The following GNAL variants were observed in gnomAD, a reference collection of about 807,000 sequenced individuals.
The protein encoded by GNAL is guanine nucleotide-binding protein G(olf) subunit alpha.
Under a neutral mutation model 55.1 loss-of-function variants are expected in GNAL, and 18 were observed. That is an observed-to-expected ratio of 0.33 (90% CI 0.23 to 0.48). The LOEUF (loss-of-function observed/expected upper bound fraction) is 0.48. Among genes scored for constraint, GNAL ranks in the 20% least tolerant of loss-of-function variants. The probability of loss-of-function intolerance (pLI) is 0.99; values close to 1 mark genes in which losing one functional copy is unlikely to be tolerated. For missense variants in GNAL, 412 were observed against 614.1 expected (o/e 0.67, Z 3.48); for synonymous variants, 253 against 237.0 (o/e 1.07, Z -0.62).
intron 11 of GNAL, among the ~76,000 whole-genome samples, chr18:11,878,362 G>A (rs1392106401): frequency 6.6e-6 from 1 of 152,122 alleles, no homozygotes; most frequent in Non-Finnish European, 1.5e-5. Flanking sequence ...GAGGTGGGAG[G>A]ATCCCTTGAG....
chr18:11,835,745 T>C (rs1419239548), intron 5 of GNAL, among the ~76,000 whole-genome samples: 2 of 152,220 alleles, frequency 1.3e-5, no homozygotes, highest in Non-Finnish European at 2.9e-5. Flanking sequence ...CACAATACTT[T>C]TGTTTGCTGA....
At chr18:11,797,074 A>AT (rs1439782704) in intron 4 of GNAL, among the ~76,000 whole-genome samples, 9 of 151,878 alleles carry the variant, frequency 5.9e-5, no homozygotes, top group African/African-American at 1.9e-4. Context: ...GACTCAAGGG[A>AT]TTATCCCACT....
chr18:11,879,462 G>T (rs967873278), intron 11 of GNAL, among the ~76,000 whole-genome samples: 3 of 152,174 alleles, frequency 2.0e-5, no homozygotes, highest in Non-Finnish European at 4.4e-5. Flanking sequence ...ATTTCTCACA[G>T]CTCTGGAGGC....
At chr18:11,825,729 C>CAAAAA (rs60460793) in intron 5 of GNAL, among the ~76,000 whole-genome samples, 2,345 of 76,874 alleles carry the variant, frequency 0.031, 163 homozygotes, top group South Asian at 0.038. Flanking sequence ...GACTCTGTCT[C>CAAAAA]AAAAAAAAAA....
intron 1 of GNAL, among the ~76,000 whole-genome samples, chr18:11,690,918 G>A (rs34912277): frequency 0.34 from 49,475 of 145,652 alleles, 11,863 homozygotes; most frequent in African/African-American, 0.69. Context: ...TGCAATAAAC[G>A]TACGTGTGCA....
At chr18:11,851,600 A>C in intron 5 of GNAL, 1 of 1,613,478 alleles carries the variant, frequency 6.2e-7, no homozygotes, top group South Asian at 1.1e-5. Context: ...AAGGAGGAAA[A>C]GGCCGAAAAG....
intron 4 of GNAL, among the ~76,000 whole-genome samples, chr18:11,772,600 C>A (rs1320692607): frequency 6.6e-6 from 1 of 152,154 alleles, no homozygotes; most frequent in African/African-American, 2.4e-5. Flanking sequence ...CCAAGACTTC[C>A]TCTACAGATG....
At chr18:11,721,263 C>G (rs113371145) in intron 1 of GNAL, among the ~76,000 whole-genome samples, 135 of 152,264 alleles carry the variant, frequency 8.9e-4, no homozygotes, top group Middle Eastern at 3.4e-3. Context: ...AAACATTGTC[C>G]GCAGAGCACT....
chr18:11,849,520 AAG>A (rs1467230550), intron 5 of GNAL, among the ~76,000 whole-genome samples: 1 of 150,990 alleles, frequency 6.6e-6, no homozygotes, highest in Non-Finnish European at 1.5e-5. Context: ...AAAAAAAAAA[AAG>A]AAAGAAAAGA....
intron 1 of GNAL, among the ~76,000 whole-genome samples, chr18:11,696,520 C>T (rs543030728): frequency 1.4e-5 from 2 of 145,528 alleles, no homozygotes; most frequent in Admixed American, 6.8e-5. Context: ...AAAAAAAAAG[C>T]ACGCATAACA....
chr18:11,861,844 C>T (rs1459644384), intron 5 of GNAL, among the ~76,000 whole-genome samples: 2 of 152,146 alleles, frequency 1.3e-5, no homozygotes, highest in Admixed American at 1.3e-4. Flanking sequence ...CACGTTCTCG[C>T]TCTCGCACAC....
Position 11,815,664 on chromosome 18 carries a change from A to T in GNAL, c.625-9254A>T, listed in dbSNP as rs185959873. 9.8e-5 allele frequency among the ~76,000 whole-genome samples: 15 copies of T among 152,350 alleles called. No individual in the cohort carries two copies. In the East Asian group the frequency reaches 2.9e-3, roughly 29 times the overall value. The stretch of plus-strand genomic sequence containing the variant: ...AAGATACAGTTCCAAACCATAGCAG[A>T]TTATATATTTTTAAATGTTTTAAAT... On this transcript the variant is annotated intron_variant, in intron 4 of 11. Transcript: ENST00000334049.
chr18:11,805,190 T>A (rs1272896331), intron 4 of GNAL, among the ~76,000 whole-genome samples: 1 of 140,184 alleles, frequency 7.1e-6, no homozygotes, highest in African/African-American at 2.8e-5. Context: ...AGTGGTGAAG[T>A]ACAGGTGCAA....
intron 1 of GNAL, among the ~76,000 whole-genome samples, chr18:11,743,760 A>T (rs1269804896): frequency 2.0e-5 from 3 of 152,222 alleles, no homozygotes; most frequent in Non-Finnish European, 4.4e-5. Flanking sequence ...ATTGAAACAG[A>T]TGGGGTTGCT....
chr18:11,713,891 G>T (rs1346670641), intron 1 of GNAL, among the ~76,000 whole-genome samples: 1 of 152,164 alleles, frequency 6.6e-6, no homozygotes, highest in East Asian at 1.9e-4. Flanking sequence ...CTGGTGATTG[G>T]GGTCTCCTGC....
chr18:11,876,518 G>T, intron 10 of GNAL, 103 bp from the exon 11 acceptor site: 1 of 762,458 alleles, frequency 1.3e-6, no homozygotes, highest in East Asian at 2.5e-5. Context: ...TTTTAATGCT[G>T]GGAATATACA....
At chr18:11,762,950 T>C (rs2033291019) in intron 4 of GNAL, among the ~76,000 whole-genome samples, 1 of 152,238 alleles carries the variant, frequency 6.6e-6, no homozygotes, top group Non-Finnish European at 1.5e-5. Context: ...ATAAGTATTG[T>C]ATTATTCTGC....
chr18:11,855,664 C>T (rs1259082505), intron 5 of GNAL, among the ~76,000 whole-genome samples: 1 of 152,128 alleles, frequency 6.6e-6, no homozygotes, highest in African/African-American at 2.4e-5. Flanking sequence ...GCCCGCCCTG[C>T]TGTCTTTGAT....
intron 6 of GNAL, 113 bp downstream of exon 6, chr18:11,862,562 T>G: frequency 1.1e-6 from 1 of 911,236 alleles, no homozygotes; most frequent in East Asian, 2.6e-5. Context: ...GATACCTACT[T>G]TTTGCAAATT....
Sources: allele counts gnomAD v4.1 joint callset (sites outside exome capture counted in the v4.1 genomes callset), GRCh38; gene constraint gnomAD v4.1.1; transcripts MANE v1.5; gene names NCBI Gene and HGNC (gene_info 2026-07-23, HGNC 2026-07-21).